Variants in GLO1 observed in about 807,000 individuals in gnomAD.
GLO1 encodes the protein glyoxalase I, also known as lactoylglutathione lyase.
Under a neutral mutation model 26.0 loss-of-function variants are expected in GLO1, and 28 were observed. That is an observed-to-expected ratio of 1.08 (90% CI 0.80 to 1.48). The LOEUF is 1.48. Ranked by LOEUF, GLO1 falls within the 40% of genes most tolerant of loss-of-function variation. The pLI is 0.00. For missense variants in GLO1, 225 were observed against 224.8 expected (o/e 1.00, Z -0.01); for synonymous variants, 78 against 77.6 (o/e 1.00, Z -0.03).
intron 1 of GLO1, among the ~76,000 whole-genome samples, chr6:38,691,772 GA>G (rs1312367836): frequency 6.6e-6 from 1 of 151,750 alleles, no homozygotes; most frequent in East Asian, 1.9e-4. Flanking sequence ...TAAGGGATGA[GA>G]ATTGAGTAGA....
chr6:38,682,134 A>C lies in GLO1; in HGVS notation c.377-33T>G, dbSNP rs763463453. The C allele has an allele frequency of 1.2e-5, 14 of 1,148,310 alleles. No individual in the cohort carries two copies. In the African/African-American group the frequency reaches 1.5e-4, roughly 12 times the overall value. 71.1% of individuals were successfully genotyped at this position (1,148,310 alleles called of 1,614,324 possible). ...GATACCCCCCGAAAAAAGCAGAGAG[A>C]AGGAAGAAATAATTATAACAGGGTG... is the stretch of plus-strand genomic sequence containing the variant. On this transcript the variant is annotated intron_variant, in intron 4 of 5. Coordinates refer to ENST00000373365, the MANE Select transcript of GLO1 (RefSeq NM_006708.3).
chr6:38,681,914 C>A, intron 5 of GLO1, 98 bp downstream of exon 5: 2 of 713,654 alleles, frequency 2.8e-6, no homozygotes, highest in Non-Finnish European at 5.1e-6. Flanking sequence ...ACTTCTGTTA[C>A]TTGTAGCCAA....
At chr6:38,687,018 T>C in intron 1 of GLO1, 44 bp from the exon 2 acceptor site, 4 of 1,547,894 alleles carry the variant, frequency 2.6e-6, no homozygotes, top group Non-Finnish European at 3.5e-6. Flanking sequence ...CTTTTACCAT[T>C]TATTACCAAC....
rs979329485 is a variant in GLO1 at position 38,692,711 on chromosome 6, A to AT, written c.85-5738dup. On this transcript the variant is annotated intron_variant, in intron 1 of 5. Transcript: ENST00000373365. Reference sequence around the variant, plus strand: ...AAGTTAAAGAAATGCCCCCATTCCTATTTTTTTCTGAACTTAAAAAAAATA... The same window carrying AT: ...AAGTTAAAGAAATGCCCCCATTCCTATTTTTTTTCTGAACTTAAAAAAAATA... 4.0e-5 allele frequency among the ~76,000 whole-genome samples: 6 copies of AT among 151,648 alleles called. No homozygotes were observed. In the South Asian group the frequency reaches 1.3e-3, roughly 32 times the overall value.
chr6:38,698,120 A>C (rs2127548904), intron 1 of GLO1, among the ~76,000 whole-genome samples: 1 of 152,302 alleles, frequency 6.6e-6, no homozygotes, highest in Non-Finnish European at 1.5e-5. Flanking sequence ...CAACCATTAC[A>C]GGGTGAGAAA....
chr6:38,689,447 C>G (rs1761502068), intron 1 of GLO1, among the ~76,000 whole-genome samples: 1 of 152,038 alleles, frequency 6.6e-6, no homozygotes, highest in African/African-American at 2.4e-5. Flanking sequence ...GGTACTTTAC[C>G]AACGACTTTA....
intron 3 of GLO1, among the ~76,000 whole-genome samples, chr6:38,684,022 C>G (rs187055068): frequency 5.9e-5 from 9 of 152,104 alleles, no homozygotes; most frequent in African/African-American, 2.2e-4. Context: ...CCAGCCTGGG[C>G]AACATAGTGA....
At chr6:38,702,122 G>A (rs1761712018) in intron 1 of GLO1, among the ~76,000 whole-genome samples, 1 of 151,886 alleles carries the variant, frequency 6.6e-6, no homozygotes, top group African/African-American at 2.4e-5. Context: ...TAGTAGAGAC[G>A]GGGTTTCACC....
At chr6:38,691,024 A>G (rs1236858376) in intron 1 of GLO1, among the ~76,000 whole-genome samples, 1 of 152,226 alleles carries the variant, frequency 6.6e-6, no homozygotes, top group African/African-American at 2.4e-5. Flanking sequence ...CGTTTAAAAT[A>G]CATGTATCTC....
At chr6:38,678,420 GAAAA>G (rs1182956805) in intron 5 of GLO1, among the ~76,000 whole-genome samples, 7 of 122,168 alleles carry the variant, frequency 5.7e-5, no homozygotes, top group Non-Finnish European at 1.1e-4. Context: ...GAAAAGAAAA[GAAAA>G]GAAAAGAAAA....
chr6:38,681,855 G>A (rs1761385291), intron 5 of GLO1, among the ~76,000 whole-genome samples, 157 bp downstream of exon 5: 1 of 152,166 alleles, frequency 6.6e-6, no homozygotes, highest in Admixed American at 6.5e-5. Context: ...AAAATACCCA[G>A]ATATTCTTCC....
intron 1 of GLO1, among the ~76,000 whole-genome samples, chr6:38,693,685 C>CTCTCTCTCTCTCTCTCTATATATA (rs869232489): frequency 3.5e-5 from 3 of 86,458 alleles, no homozygotes; most frequent in East Asian, 2.9e-4. Flanking sequence ...CTCTCTCTCT[C>CTCTCTCTCTCTCTCTCTATATATA]TATATATATA....
chr6:38,698,657 C>CTTTTTTT (rs34080103), intron 1 of GLO1, among the ~76,000 whole-genome samples: 1 of 110,014 alleles, frequency 9.1e-6, no homozygotes, highest in African/African-American at 3.6e-5. Flanking sequence ...AGAACCTGAC[C>CTTTTTTT]TTTTTTTTTT....
rs1761470193 is a variant in GLO1 at position 38,687,046 on chromosome 6, TAACAAGATACA to T, written c.85-83_85-73del. 2.0e-6 allele frequency: 3 copies of T among 1,534,562 alleles called. No individual in the cohort carries two copies. In the African/African-American group the frequency reaches 4.2e-5, roughly 21 times the overall value. Reference sequence around the variant, plus strand: ...TTACCAACATTAATTGTGCTTTCTGTAACAAGATACAAACACAATTGTTAACCTACCACCTA... The same window carrying T: ...TTACCAACATTAATTGTGCTTTCTGTAACACAATTGTTAACCTACCACCTA... On this transcript the variant is annotated intron_variant, in intron 1 of 5. Coordinates refer to ENST00000373365, the MANE Select transcript of GLO1 (RefSeq NM_006708.3).
chr6:38,699,829 C>T (rs534086786), intron 1 of GLO1, among the ~76,000 whole-genome samples: 1 of 152,316 alleles, frequency 6.6e-6, no homozygotes, highest in East Asian at 1.9e-4. Flanking sequence ...ACAATACGTG[C>T]ACTGCTGAAC....
chr6:38,681,381 A>AT (rs1284716883), intron 5 of GLO1, among the ~76,000 whole-genome samples: 2 of 152,128 alleles, frequency 1.3e-5, no homozygotes, highest in Non-Finnish European at 2.9e-5. Context: ...AAGTATTTTA[A>AT]TTTTTTTAAA....
At chr6:38,692,137 G>T (rs12526818) in intron 1 of GLO1, among the ~76,000 whole-genome samples, 4,451 of 152,200 alleles carry the variant, frequency 0.029, 82 homozygotes, top group East Asian at 0.073. Flanking sequence ...GATTTGGGGA[G>T]AATTGATATC....
intron 1 of GLO1, among the ~76,000 whole-genome samples, chr6:38,696,652 C>T (rs971251290): frequency 2.8e-4 from 42 of 152,290 alleles, no homozygotes; most frequent in African/African-American, 9.9e-4. Context: ...CTCCTAATAC[C>T]TGCCTCAGGG....
chr6:38,687,669 T>C (rs1347993009), intron 1 of GLO1, among the ~76,000 whole-genome samples: 1 of 152,218 alleles, frequency 6.6e-6, no homozygotes. Context: ...GGTATGTAAA[T>C]TCATGGAGTT....
Sources: gnomAD v4.1 joint callset for allele counts (sites outside exome capture counted in the v4.1 genomes callset) on GRCh38, gnomAD v4.1.1 for gene constraint, MANE v1.5 for transcripts, NCBI Gene and HGNC (gene_info 2026-07-23, HGNC 2026-07-21) for gene names.